Variants in CYP19A1 observed in about 807,000 individuals in gnomAD.
CYP19A1 encodes aromatase.
A neutral mutation model predicts 44.4 loss-of-function variants in CYP19A1; 32 were observed. The ratio of observed to expected loss-of-function variants is 0.72; its 90% CI spans 0.54 to 0.97. CYP19A1 has a LOEUF of 0.97. Among genes scored for constraint, CYP19A1 ranks in the 50% least tolerant of loss-of-function variants. The pLI, the probability that CYP19A1 is intolerant of heterozygous loss-of-function variation, is 0.00. For synonymous variants in CYP19A1, 212 were observed against 215.6 expected (o/e 0.98, Z 0.14); for missense variants, 598 against 637.8 (o/e 0.94, Z 0.67).
intron 1 of CYP19A1, among the ~76,000 whole-genome samples, chr15:51,286,499 A>G (rs1201740995): frequency 1.3e-5 from 2 of 152,192 alleles, no homozygotes; most frequent in Admixed American, 1.3e-4. Flanking sequence ...ATCAGCCAGT[A>G]TGGTACAAAG....
intron 2 of CYP19A1, among the ~76,000 whole-genome samples, chr15:51,241,897 C>T (rs556183169): frequency 3.0e-4 from 46 of 152,176 alleles, no homozygotes; most frequent in African/African-American, 1.1e-3. Context: ...TGAGACTAGG[C>T]CCACCACACT....
intron 1 of CYP19A1, among the ~76,000 whole-genome samples, chr15:51,310,836 G>A (rs2036297839): frequency 6.6e-6 from 1 of 152,190 alleles, no homozygotes; most frequent in Admixed American, 6.5e-5. Flanking sequence ...GGGAGAAAGG[G>A]ATTCCATGTA....
rs533011076 is a variant in CYP19A1 at position 51,214,772 on chromosome 15, G to C, written c.1021+298C>G. Among the ~76,000 whole-genome samples, 8 of 152,336 alleles carry C rather than the reference G, an allele frequency of 5.3e-5. No individual in the cohort carries two copies. The South Asian group carries it at 1.7e-3, about 32-fold the overall frequency. ...TTAACAATGGTTGCCACTGGAGAGG[G>C]GAGATGAGGCTGGAGAGGAGAGCGG... On this transcript the variant is annotated intron_variant, in intron 8 of 9. Transcript: ENST00000396402.
chr15:51,314,797 A>G (rs1474291248), intron 1 of CYP19A1, among the ~76,000 whole-genome samples: 1 of 152,182 alleles, frequency 6.6e-6, no homozygotes. Context: ...TTCCTGGAGA[A>G]TGGCTATTGC....
intron 1 of CYP19A1, among the ~76,000 whole-genome samples, chr15:51,292,001 C>A (rs1476425212): frequency 6.6e-6 from 1 of 152,256 alleles, no homozygotes; most frequent in African/African-American, 2.4e-5. Context: ...GTCCAACACA[C>A]TGTGACCTCT....
chr15:51,300,816 A>G (rs563012489), intron 1 of CYP19A1, among the ~76,000 whole-genome samples: 2 of 152,376 alleles, frequency 1.3e-5, no homozygotes, highest in East Asian at 3.9e-4. Flanking sequence ...TAGTTTAAAA[A>G]TATATGGTAA....
rs780795217 is a variant in CYP19A1, at chr15:51,212,431, A to T, written c.1152T>A (p.Asp384Glu). The T allele has an allele frequency of 1.2e-6, 2 of 1,608,786 alleles. No individual in the cohort carries two copies. Among genetic ancestry groups the T allele is most frequent in the Non-Finnish European group, 1.7e-6 (2 of 1,175,080 alleles). Residue 384 changes from aspartate to glutamate, a missense_variant, in exon 9 of 10, where the codon GAT (aspartate) becomes GAA (glutamate). Physicochemically the swap from Asp to Glu is conservative, Grantham distance 45 (BLOSUM62 2). Coordinates refer to ENST00000396402, the MANE Select transcript of CYP19A1 (RefSeq NM_000103.4). ...TTGTCCCCTTTTTCACTGGGTAGCC[A>T]TCGATTACATCATCTTCTAAGGCTT... ...MRKALEDDVI[D>E]GYPVKKGTNI...
chr15:51,327,573 C>T lies in CYP19A1; in HGVS notation c.-39+10922G>A, dbSNP rs113520185. 3.6e-3 allele frequency among the ~76,000 whole-genome samples: 554 copies of T among 151,998 alleles called. 5 individuals are homozygous for T. The highest frequency in any genetic ancestry group is 0.013 in the African/African-American group (531 of 41,432). On this transcript the variant is annotated intron_variant, in intron 1 of 9. Transcript: ENST00000396402. ...CTCAGCTCACTGCAACCTCTGCCTC[C>T]GGGGTTCAAGCGATTCTCAAGGATC...
rs2030640162 is a variant in CYP19A1, at chr15:51,208,778, G to C, written c.*2030C>G. The C allele has an allele frequency of 1.8e-5, 2 of 113,644 alleles. No homozygotes were observed. The highest frequency in any genetic ancestry group is 3.4e-5 in the Non-Finnish European group (2 of 58,984). 7.0% of individuals were successfully genotyped at this position (113,644 alleles called of 1,614,324 possible). A position where few individuals can be genotyped will look rare whatever the true frequency, so the allele number is the denominator to read the frequency against. On this transcript the variant is annotated 3_prime_UTR_variant, in exon 10 of 10. Coordinates refer to ENST00000396402, the MANE Select transcript of CYP19A1 (RefSeq NM_000103.4). The stretch of plus-strand genomic sequence containing the variant: ...CCCACCCCCCACCCTTCCACTCCCA[G>C]TTTTCCCCCAGGATATTTTTGTACC...
rs192890080 is a variant in CYP19A1 at position 51,252,258 on chromosome 15, G to A, written c.-38-9308C>T. Among the ~76,000 whole-genome samples, 7 of 152,120 alleles carry A rather than the reference G, an allele frequency of 4.6e-5. No homozygotes were observed. The East Asian group carries it at 5.8e-4, about 13-fold the overall frequency. On this transcript the variant is annotated intron_variant, in intron 1 of 9. Coordinates refer to ENST00000396402, the MANE Select transcript of CYP19A1 (RefSeq NM_000103.4). ...AATCTTGCTCTGGAGAAACACACTC[G>A]GGAATCAACATGCAAAGTTTCAGTA...
intron 1 of CYP19A1, among the ~76,000 whole-genome samples, chr15:51,292,788 G>A (rs2470177): frequency 0.12 from 18,791 of 151,958 alleles, 1,334 homozygotes; most frequent in African/African-American, 0.18. Flanking sequence ...GGGGAAGGTC[G>A]GGGTCCTTCT....
At chr15:51,322,973 C>G (rs987473069) in intron 1 of CYP19A1, among the ~76,000 whole-genome samples, 1 of 152,258 alleles carries the variant, frequency 6.6e-6, no homozygotes, top group South Asian at 2.1e-4. Context: ...AACTTTCAAG[C>G]CTCAATAATG....
chr15:51,334,265 G>A (rs969581492), intron 1 of CYP19A1, among the ~76,000 whole-genome samples: 7 of 152,206 alleles, frequency 4.6e-5, no homozygotes, highest in Admixed American at 1.3e-4. Context: ...AACAGGGCAT[G>A]GGTGAACGTT....
rs1031039410 is a variant in CYP19A1 at position 51,210,917 on chromosome 15, A to G, written c.1403T>C (p.Val468Ala). 1.9e-6 allele frequency: 3 copies of G among 1,606,792 alleles called. No individual in the cohort carries two copies. The highest frequency in any genetic ancestry group is 1.7e-5 in the Admixed American group (1 of 59,996). The change falls in exon 10 of 10, where the codon GTT (valine) becomes GCT (alanine). Residue 468 changes from valine to alanine, a missense_variant. Transcript: ENST00000396402. ...GTCGTGTATCTTCTGTATGCTCTCA[A>G]CACACTGTCCTTGCAATGTCTTCAC... ...FHVKTLQGQC[V>A]ESIQKIHDLS...
chr15:51,218,208 T>C (rs1166043329), intron 6 of CYP19A1, among the ~76,000 whole-genome samples: 1 of 152,182 alleles, frequency 6.6e-6, no homozygotes, highest in Admixed American at 6.5e-5. Context: ...TGTGCAAAGA[T>C]AATTTTGACA....
Position 51,212,573 on chromosome 15 carries a change from G to C in CYP19A1, c.1022-12C>G. On this transcript the variant is annotated splice_polypyrimidine_tract_variant and intron_variant, in intron 8 of 9. Transcript: ENST00000396402. ...TATGTCTCTCTCACCTGTGGAAACA[G>C]ATAAAAGGAACAAAGAAGGTAATGT... 6.9e-7 allele frequency: 1 copy of C among 1,441,912 alleles called. No homozygotes were observed. Among genetic ancestry groups the C allele is most frequent in the Non-Finnish European group, 9.8e-7 (1 of 1,022,862 alleles). The allele number at this position is 1,441,912 out of a possible 1,614,324, so 89.3% of individuals were successfully genotyped here.
chr15:51,335,931 T>C (rs922560936), intron 1 of CYP19A1, among the ~76,000 whole-genome samples: 4 of 152,192 alleles, frequency 2.6e-5, no homozygotes, highest in African/African-American at 9.7e-5. Context: ...ATTGGCTTCT[T>C]ACGGTTCCTC....
Position 51,285,515 on chromosome 15 carries a change from A to G in CYP19A1, c.-38-42565T>C, listed in dbSNP as rs117121981. 7.9e-5 allele frequency among the ~76,000 whole-genome samples: 12 copies of G among 152,318 alleles called. No individual in the cohort carries two copies. The East Asian group carries it at 2.3e-3, about 29-fold the overall frequency. ...GGAAAAAGCTGAGTGTTGGGAAAAA[A>G]GCTGAGGCAGGGTTTGCATGTCTGA... On this transcript the variant is annotated intron_variant, in intron 1 of 9. Coordinates refer to ENST00000396402, the MANE Select transcript of CYP19A1 (RefSeq NM_000103.4).
rs143192043 is a variant in CYP19A1 at position 51,224,971 on chromosome 15, C to T, written c.452-2446G>A. ...TGTCTTTTGTTTTCTTAATTAGCTT[C>T]TACCTTCATTTAAAACTCATTATAA... On this transcript the variant is annotated intron_variant, in intron 4 of 9. Transcript: ENST00000396402. 1.9e-3 allele frequency among the ~76,000 whole-genome samples: 283 copies of T among 152,316 alleles called. 1 individual carries two copies. The highest frequency in any genetic ancestry group is 6.6e-3 in the African/African-American group (276 of 41,564).
Sources: gnomAD v4.1 joint callset for allele counts (sites outside exome capture counted in the v4.1 genomes callset) on GRCh38, gnomAD v4.1.1 for gene constraint, MANE v1.5 for transcripts, NCBI Gene and HGNC (gene_info 2026-07-23, HGNC 2026-07-21) for gene names.